SNX29: variants seen among roughly 807,000 people sequenced by gnomAD.
SNX29 encodes sorting nexin-29.
In SNX29, 78 loss-of-function variants were observed where a neutral mutation model predicts 102.1. The ratio of observed to expected loss-of-function variants is 0.76; its 90% CI spans 0.64 to 0.92. The LOEUF (loss-of-function observed/expected upper bound fraction) is 0.92. Among genes scored for constraint, SNX29 ranks in the 40% least tolerant of loss-of-function variants. The pLI is 0.00. For synonymous variants in SNX29, 580 were observed against 414.5 expected, an observed-to-expected ratio of 1.40 and a Z score of -4.85; for missense variants, 1,280 against 1,061.7, an observed-to-expected ratio of 1.21 and a Z score of -2.86.
At chr16:12,240,309 C>T (rs1183742209) in intron 14 of SNX29, among the ~76,000 whole-genome samples, 5 of 152,174 alleles carry the variant, frequency 3.3e-5, no homozygotes, top group African/African-American at 4.8e-5. Flanking sequence ...CATGTATTGA[C>T]GCCAGCTGTG....
At chr16:12,074,947 T>C (rs1731292215) in intron 10 of SNX29, among the ~76,000 whole-genome samples, 2 of 152,234 alleles carry the variant, frequency 1.3e-5, no homozygotes, top group Admixed American at 1.3e-4. Flanking sequence ...TTTCTTCCAG[T>C]TGATCGCATC....
At position 12,096,629 on chromosome 16, in the gene SNX29, A is replaced by G. The variant is rs2151425618; in HGVS notation, c.1402+17714A>G. Among the ~76,000 whole-genome samples, 1 of 152,268 alleles carries G rather than the reference A, an allele frequency of 6.6e-6. No homozygotes were observed. Among genetic ancestry groups the G allele is most frequent in the African/African-American group, 2.4e-5 (1 of 41,556 alleles). On this transcript the variant is annotated intron_variant, in intron 11 of 20. Coordinates refer to ENST00000566228, the MANE Select transcript of SNX29 (RefSeq NM_032167.5). The surrounding 1 kb of genome is among the most constrained non-coding windows in gnomAD (Gnocchi z 4.2). Reference sequence around the variant, plus strand: ...TAATAAAGAAATGATGAATGATTGGATGGGGCAAAACGGGAGGCAATGGGG... The same window carrying G: ...TAATAAAGAAATGATGAATGATTGGGTGGGGCAAAACGGGAGGCAATGGGG...
intron 18 of SNX29, among the ~76,000 whole-genome samples, chr16:12,412,575 G>A (rs577558109): frequency 6.6e-6 from 1 of 152,358 alleles, no homozygotes; most frequent in Admixed American, 6.5e-5. Flanking sequence ...AGTCTGTTAA[G>A]GTGGAGACCT....
chr16:12,554,949 A>G (rs1320703190), intron 20 of SNX29, among the ~76,000 whole-genome samples: 1 of 149,008 alleles, frequency 6.7e-6, no homozygotes, highest in East Asian at 1.9e-4. Flanking sequence ...GCCTCTGGAG[A>G]AAACAATGGA....
At chr16:12,243,917 C>T (rs1005203392) in intron 14 of SNX29, among the ~76,000 whole-genome samples, 23 of 152,202 alleles carry the variant, frequency 1.5e-4, no homozygotes, top group African/African-American at 5.5e-4. Context: ...TGTCAAATGT[C>T]ATGGAGTCCT....
At chr16:12,442,575 CTG>C (rs1345262620) in intron 18 of SNX29, among the ~76,000 whole-genome samples, 1 of 151,452 alleles carries the variant, frequency 6.6e-6, no homozygotes, top group Non-Finnish European at 1.5e-5. Flanking sequence ...ATGGATGTGA[CTG>C]TGTGTTTTTT....
intron 20 of SNX29, among the ~76,000 whole-genome samples, chr16:12,555,432 G>T (rs1479531303): frequency 6.6e-6 from 1 of 152,044 alleles, no homozygotes; most frequent in Admixed American, 6.6e-5. Context: ...CTTTGTAGGA[G>T]ACACTCATGT....
chr16:12,430,299 G>C (rs548395896), intron 18 of SNX29, among the ~76,000 whole-genome samples: 13 of 152,228 alleles, frequency 8.5e-5, no homozygotes, highest in Non-Finnish European at 1.6e-4. Context: ...TGTCTGCACA[G>C]TGGGGGCAAT....
chr16:12,488,912 G>A (rs564792830), intron 19 of SNX29, among the ~76,000 whole-genome samples: 1 of 152,224 alleles, frequency 6.6e-6, no homozygotes, highest in South Asian at 2.1e-4. Context: ...TAGGTAGAAC[G>A]CATTGGTTTT....
At chr16:12,490,833 A>T (rs1257621414) in intron 19 of SNX29, among the ~76,000 whole-genome samples, 2 of 152,360 alleles carry the variant, frequency 1.3e-5, no homozygotes, top group Non-Finnish European at 2.9e-5. Flanking sequence ...ATGAACACAC[A>T]CGTATAACCA....
chr16:12,027,175 C>G (rs2057215501), intron 3 of SNX29, 145 bp from the exon 4 acceptor site: 17 of 935,226 alleles, frequency 1.8e-5, no homozygotes, highest in South Asian at 1.3e-4. Flanking sequence ...GGTCAGTTAC[C>G]AAGCCTGCAC....
Position 12,365,554 on chromosome 16 carries a change from G to A in SNX29, c.1899+9275G>A, listed in dbSNP as rs374146127. 1.1e-4 allele frequency among the ~76,000 whole-genome samples: 17 copies of A among 151,820 alleles called. No homozygotes were observed. In the East Asian group the frequency reaches 2.9e-3, roughly 26 times the overall value. On this transcript the variant is annotated intron_variant, in intron 16 of 20. Coordinates refer to ENST00000566228, the MANE Select transcript of SNX29 (RefSeq NM_032167.5). ...AAAATACAAAAATTAGCCATGCATG[G>A]TGGTGCGTGCCTGTAATCACGGCTG...
chr16:12,170,465 G>A (rs954926597), intron 13 of SNX29, among the ~76,000 whole-genome samples: 4 of 151,968 alleles, frequency 2.6e-5, no homozygotes, highest in Non-Finnish European at 5.9e-5. Flanking sequence ...CATCAGTGGG[G>A]GAGGCGTGTG....
chr16:12,483,130 T>G (rs1416929932), intron 19 of SNX29, among the ~76,000 whole-genome samples: 2 of 134,678 alleles, frequency 1.5e-5, no homozygotes, highest in African/African-American at 2.8e-5. Context: ...TTTTTTTTTT[T>G]TTTTTTTTTT....
chr16:12,545,426 C>T (rs2077548977), intron 20 of SNX29: 1 of 152,274 alleles, frequency 6.6e-6, no homozygotes, highest in Admixed American at 6.5e-5. Context: ...TGGCCCCACC[C>T]CTAGGATTGT....
At chr16:12,510,139 G>A (rs1446661623) in intron 19 of SNX29, among the ~76,000 whole-genome samples, 1 of 152,200 alleles carries the variant, frequency 6.6e-6, no homozygotes, top group Admixed American at 6.5e-5. Context: ...CTCCTTTGAT[G>A]TAGCCCATAC....
At chr16:12,533,199 G>A (rs779246492) in intron 20 of SNX29, among the ~76,000 whole-genome samples, 16 of 152,246 alleles carry the variant, frequency 1.1e-4, no homozygotes, top group Non-Finnish European at 1.8e-4. Flanking sequence ...GCAGCCATCT[G>A]AGGCCACAGA....
chr16:12,227,781 TC>T (rs1263332052), intron 14 of SNX29, among the ~76,000 whole-genome samples: 1 of 151,294 alleles, frequency 6.6e-6, no homozygotes, highest in Non-Finnish European at 1.5e-5. Context: ...GTGCTTGTAA[TC>T]CCAGCTACTC....
chr16:12,294,191 A>G (rs916214366), intron 15 of SNX29, among the ~76,000 whole-genome samples: 8 of 152,334 alleles, frequency 5.3e-5, no homozygotes, highest in East Asian at 3.9e-4. Context: ...GTCTGCGTCT[A>G]TGGCCTGGGA....
Sources: gnomAD v4.1 joint callset for allele counts (sites outside exome capture counted in the v4.1 genomes callset) on GRCh38, gnomAD v4.1.1 for gene constraint, Gnocchi (gnomAD v3.1) non-coding constraint, MANE v1.5 for transcripts, NCBI Gene and HGNC (gene_info 2026-07-23, HGNC 2026-07-21) for gene names.